The following SHC2 variants were observed in gnomAD, a reference collection of about 807,000 sequenced individuals.
SHC2 encodes the protein SHC-transforming protein 2.
A neutral mutation model predicts 60.6 loss-of-function variants in SHC2; 62 were observed. The observed-to-expected ratio is 1.02, with a 90% confidence interval of 0.83 to 1.26. SHC2 has a LOEUF of 1.26. Ranked by LOEUF, SHC2 falls within the 50% of genes most tolerant of loss-of-function variation. The pLI, the probability that SHC2 is intolerant of heterozygous loss-of-function variation, is 0.00. For missense variants in SHC2, 873 were observed against 822.2 expected (o/e 1.06, Z -0.76); for synonymous variants, 375 against 372.4 (o/e 1.01, Z -0.08).
chr19:422,694 G>A lies in SHC2; in HGVS notation c.1310-238C>T. 2.1e-6 allele frequency: 1 copy of A among 466,290 alleles called. No homozygotes were observed. The highest frequency in any genetic ancestry group is 3.8e-6 in the Non-Finnish European group (1 of 265,320). 28.9% of individuals were successfully genotyped at this position (466,290 alleles called of 1,614,324 possible). A position where few individuals can be genotyped will look rare whatever the true frequency, so the allele number is the denominator to read the frequency against. Reference sequence around the variant, plus strand: ...GGTTTTCTAGGCACGTACTAAGCATGTACAAAGGGTAACAGCAGCTCTTTC... The same window carrying A: ...GGTTTTCTAGGCACGTACTAAGCATATACAAAGGGTAACAGCAGCTCTTTC... On this transcript the variant is annotated intron_variant, in intron 10 of 12. Transcript: ENST00000264554. The surrounding 1 kb of genome is among the most constrained non-coding windows in gnomAD (Gnocchi z 5.0).
chr19:436,203 G>T lies in SHC2; in HGVS notation c.915C>A (p.Tyr305Ter), dbSNP rs1176727256. 6.2e-7 allele frequency: 1 copy of T among 1,609,190 alleles called. No homozygotes were observed. Among genetic ancestry groups the T allele is most frequent in the Non-Finnish European group, 8.5e-7 (1 of 1,178,386 alleles). Reference sequence around the variant, plus strand: ...GCGCCACCTTGGGCGGGCTGTGCAGGTACTGCTTGAAGCGCAGCTCGAAAG... The same window carrying T: ...GCGCCACCTTGGGCGGGCTGTGCAGTTACTGCTTGAAGCGCAGCTCGAAAG... Reference protein sequence around the residue: ...GQAFELRFKQYLHSPPKVALP... With the variant: ...GQAFELRFKQ Residue 305 changes from tyrosine (Y) to a stop codon, truncating the protein, a stop_gained, in exon 7 of 13, where the codon TAC becomes TAA. Transcript: ENST00000264554. LOFTEE classifies it high-confidence loss of function.
chr19:445,019 C>T lies in SHC2; in HGVS notation c.469-4087G>A, dbSNP rs949893385. On this transcript the variant is annotated intron_variant, in intron 1 of 12. Transcript: ENST00000264554. This position sits in a 1 kb window ranked among gnomAD's most constrained non-coding sequence, Gnocchi z 4.4. ...CAGGATCTGCACTGCTCCCCCTGCACGACGGGAAGAGGCGGGGACCTCAGC... is the reference window on the plus strand; with the variant it reads ...CAGGATCTGCACTGCTCCCCCTGCATGACGGGAAGAGGCGGGGACCTCAGC... 2.0e-5 allele frequency among the ~76,000 whole-genome samples: 3 copies of T among 152,254 alleles called. No individual in the cohort carries two copies. The highest frequency in any genetic ancestry group is 4.4e-5 in the Non-Finnish European group (3 of 68,040).
At chr19:447,629 T>C (rs1975081651) in intron 1 of SHC2, among the ~76,000 whole-genome samples, 1 of 152,004 alleles carries the variant, frequency 6.6e-6, no homozygotes, top group South Asian at 2.1e-4. Context: ...AAATACAAGA[T>C]TAGCTGGGCA....
intron 8 of SHC2, among the ~76,000 whole-genome samples, chr19:434,503 A>G (rs1974666566): frequency 1.2e-4 from 1 of 8,322 alleles, no homozygotes; most frequent in Non-Finnish European, 2.4e-4. Flanking sequence ...TGAAATCATG[A>G]GTGAGATCGT....
intron 1 of SHC2, among the ~76,000 whole-genome samples, chr19:454,327 A>G (rs776830194): frequency 6.6e-6 from 1 of 152,136 alleles, no homozygotes; most frequent in Non-Finnish European, 1.5e-5. Context: ...TTCTCAGGAA[A>G]AATGTCCCCA....
chr19:459,091 A>G (rs889545590), intron 1 of SHC2, among the ~76,000 whole-genome samples: 3 of 151,994 alleles, frequency 2.0e-5, no homozygotes, highest in African/African-American at 4.8e-5. Context: ...CATCTTGACT[A>G]GGTTACATCT....
At position 425,129 on chromosome 19, in the gene SHC2, T is replaced by C; in HGVS notation, c.1277A>G (p.Glu426Gly). The C allele has an allele frequency of 7.1e-7, 1 of 1,402,550 alleles. No homozygotes were observed. The highest frequency in any genetic ancestry group is 1.8e-5 in the South Asian group (1 of 56,528). 86.9% of individuals were successfully genotyped at this position (1,402,550 alleles called of 1,614,324 possible). The part of the protein sequence containing the change: ...NTQGLDAPEP[E>G]DSPKKDLFDM... Reference sequence around the variant, plus strand: ...AAACAGATCCTTTTTGGGGCTGTCCTCCGGCTCGGGGGCGTCCAGACCCTG... The same window carrying C: ...AAACAGATCCTTTTTGGGGCTGTCCCCCGGCTCGGGGGCGTCCAGACCCTG... The change falls in exon 10 of 13, where the codon GAG becomes GGG. Residue 426 changes from glutamate to glycine, a missense_variant. Coordinates refer to ENST00000264554, the MANE Select transcript of SHC2 (RefSeq NM_012435.3). The surrounding 1 kb of genome is among the most constrained non-coding windows in gnomAD (Gnocchi z 4.1).
chr19:452,307 G>C, intron 1 of SHC2, among the ~76,000 whole-genome samples: 1 of 108,168 alleles, frequency 9.2e-6, no homozygotes, highest in South Asian at 3.7e-4. Flanking sequence ...GACTTGGGGG[G>C]AGTTCCTGCG....
rs1206238182 is a variant in SHC2 at position 454,420 on chromosome 19, C to T, written c.468+6109G>A. 2.0e-5 allele frequency among the ~76,000 whole-genome samples: 3 copies of T among 152,304 alleles called. No individual in the cohort carries two copies. In the East Asian group the frequency reaches 5.8e-4, roughly 29 times the overall value. ...GCCTTTCAGCCAGGGGAGGAACTGA[C>T]CCAGCAGAGGCCCCGGGAAGGCGGT... is the stretch of plus-strand genomic sequence containing the variant. On this transcript the variant is annotated intron_variant, in intron 1 of 12. Coordinates refer to ENST00000264554, the MANE Select transcript of SHC2 (RefSeq NM_012435.3).
intron 1 of SHC2, 74 bp downstream of exon 1, chr19:460,455 G>A: frequency 1.3e-6 from 1 of 755,418 alleles, no homozygotes; most frequent in East Asian, 4.2e-5. Context: ...GCGGGGTCCG[G>A]GGGTCCCGGA....
rs565882759 is a variant in SHC2 at position 448,919 on chromosome 19, G to A, written c.469-7987C>T. 2.6e-5 allele frequency among the ~76,000 whole-genome samples: 4 copies of A among 152,052 alleles called. No homozygotes were observed. The South Asian group carries it at 8.3e-4, about 32-fold the overall frequency. On this transcript the variant is annotated intron_variant, in intron 1 of 12. Coordinates refer to ENST00000264554, the MANE Select transcript of SHC2 (RefSeq NM_012435.3). The stretch of plus-strand genomic sequence containing the variant: ...TCTAATCCCAGCACTGTGGGAGGCC[G>A]AGGCAGACAGACGGCTTGAGTTCAG...
At chr19:426,949 T>C (rs930054539) in intron 9 of SHC2, among the ~76,000 whole-genome samples, 1 of 151,072 alleles carries the variant, frequency 6.6e-6, no homozygotes, top group Non-Finnish European at 1.5e-5. Flanking sequence ...TTTGTAGGAG[T>C]TCTTGGCCAG....
At chr19:435,198 G>A (rs983081017) in intron 7 of SHC2, among the ~76,000 whole-genome samples, 9 of 152,222 alleles carry the variant, frequency 5.9e-5, no homozygotes, top group Non-Finnish European at 1.3e-4. Context: ...GGACATCACC[G>A]GTCAGGGTGG....
At chr19:448,545 C>T (rs770288623) in intron 1 of SHC2, among the ~76,000 whole-genome samples, 11 of 152,220 alleles carry the variant, frequency 7.2e-5, no homozygotes, top group Non-Finnish European at 1.2e-4. Flanking sequence ...TAACTAACCA[C>T]GTCTGCAAAG....
At chr19:442,942 G>A (rs1974935860) in intron 1 of SHC2, among the ~76,000 whole-genome samples, 1 of 141,226 alleles carries the variant, frequency 7.1e-6, no homozygotes, top group Non-Finnish European at 1.5e-5. Flanking sequence ...TGGATGGGTG[G>A]GTGAATGGAT....
In SHC2 at chr19:438,738, A is replaced by C. The variant is rs1974778154; in HGVS notation, c.700T>G (p.Ser234Ala). Residue 234 changes from serine (S) to alanine (A), a missense_variant, in exon 4 of 13, where the codon TCC (serine) becomes GCC (alanine). By Grantham distance (99) the Ser-to-Ala change is moderately conservative. Transcript: ENST00000264554. This position sits in a 1 kb window ranked among gnomAD's most constrained non-coding sequence, Gnocchi z 5.0. ...CCCACCTGGCGCGTGGCAGGCACGG[A>C]GAGGCTGAGGCCATCAGTGGAGATG... ...IHISTDGLSL[S>A]VPATRQVIAN... The C allele has an allele frequency of 6.4e-7, 1 of 1,565,368 alleles. No homozygotes were observed. The highest frequency in any genetic ancestry group is 1.4e-5 in the African/African-American group (1 of 73,602).
intron 2 of SHC2, chr19:439,367 C>T: frequency 2.7e-6 from 1 of 366,790 alleles, no homozygotes; most frequent in Middle Eastern, 7.7e-4. Flanking sequence ...CCAGTGTGTC[C>T]CTGGCCTCGG....
chr19:418,025 G>C (rs1228694887), intron 12 of SHC2, among the ~76,000 whole-genome samples: 2 of 151,724 alleles, frequency 1.3e-5, no homozygotes, highest in Middle Eastern at 3.2e-3. Context: ...CAGCCCCACA[G>C]CTGCACCCTC....
intron 1 of SHC2, among the ~76,000 whole-genome samples, chr19:459,581 T>C (rs1052017168): frequency 5.4e-5 from 8 of 149,048 alleles, no homozygotes; most frequent in African/African-American, 2.0e-4. Flanking sequence ...AGGACCCCAC[T>C]GAACTCAGCG....
Sources: allele counts gnomAD v4.1 joint callset (sites outside exome capture counted in the v4.1 genomes callset), GRCh38; gene constraint gnomAD v4.1.1; non-coding constraint Gnocchi (gnomAD v3.1); transcripts MANE v1.5; gene names NCBI Gene and HGNC (gene_info 2026-07-23, HGNC 2026-07-21).